The following DLGAP2 variants were observed in gnomAD, a reference collection of about 807,000 sequenced individuals.
The protein encoded by DLGAP2 is DLG associated protein 2, also known as disks large-associated protein 2.
DLGAP2 carries 26 observed loss-of-function variants against 100.3 expected under a neutral mutation model. That is an observed-to-expected ratio of 0.26 (90% confidence interval 0.19 to 0.36). The LOEUF is 0.36. Ranked by LOEUF, DLGAP2 falls within the 10% of genes least tolerant of loss-of-function variation. DLGAP2 has a pLI of 1.00. For missense variants in DLGAP2, 1,858 were observed against 1,453.2 expected (o/e 1.28, Z -4.53); for synonymous variants, 886 against 630.1 (o/e 1.41, Z -6.08).
At chr8:1,345,369 T>A (rs1801532086) in intron 3 of DLGAP2, among the ~76,000 whole-genome samples, 1 of 152,164 alleles carries the variant, frequency 6.6e-6, no homozygotes. Flanking sequence ...TCCTCTGCTG[T>A]TGAGAATAAG....
chr8:1,369,510 G>C (rs1802187365), intron 3 of DLGAP2: 1 of 152,200 alleles, frequency 6.6e-6, no homozygotes, highest in African/African-American at 2.4e-5. Flanking sequence ...AGTTGGTTTT[G>C]CACCAAGAAT....
intron 3 of DLGAP2, among the ~76,000 whole-genome samples, chr8:1,415,280 C>T (rs1349241366): frequency 6.6e-6 from 1 of 152,162 alleles, no homozygotes; most frequent in African/African-American, 2.4e-5. Flanking sequence ...ATGACTTTCT[C>T]TAGTGCGTCT....
intron 3 of DLGAP2, among the ~76,000 whole-genome samples, chr8:1,366,078 T>C (rs117458292): frequency 6.6e-6 from 1 of 152,362 alleles, no homozygotes; most frequent in Non-Finnish European, 1.5e-5. Flanking sequence ...GTGCCTTATG[T>C]CACTGTGCAC....
chr8:1,074,646 G>T (rs888105444), intron 2 of DLGAP2, among the ~76,000 whole-genome samples: 2 of 152,186 alleles, frequency 1.3e-5, no homozygotes, highest in South Asian at 2.1e-4. Flanking sequence ...CGTTTGATCC[G>T]CTTGTGAATT....
chr8:1,479,763 G>A (rs543916591), intron 3 of DLGAP2, among the ~76,000 whole-genome samples: 2 of 152,166 alleles, frequency 1.3e-5, no homozygotes, highest in Non-Finnish European at 2.9e-5. Flanking sequence ...AGCCCCCTGC[G>A]GTCCAAGCTG....
At chr8:1,207,020 G>C (rs1055903303) in intron 2 of DLGAP2, among the ~76,000 whole-genome samples, 8 of 152,210 alleles carry the variant, frequency 5.3e-5, no homozygotes, top group East Asian at 3.9e-4. Flanking sequence ...ACCACACACA[G>C]AGCTCACCCA....
rs141586304 is a variant in DLGAP2 at position 1,319,990 on chromosome 8, T to C, written c.106+61107T>C. ...GTGGAGTAACAGGGGTGGGGGAGAATAGGGCAGGAGACAAAGGTAAGCGCA... is the reference window on the plus strand; with the variant it reads ...GTGGAGTAACAGGGGTGGGGGAGAACAGGGCAGGAGACAAAGGTAAGCGCA... On this transcript the variant is annotated intron_variant, in intron 3 of 14. Coordinates refer to ENST00000637795, the MANE Select transcript of DLGAP2 (RefSeq NM_001346810.2). 2.5e-3 allele frequency among the ~76,000 whole-genome samples: 375 copies of C among 151,924 alleles called. 5 individuals carry two copies. The highest frequency in any genetic ancestry group is 0.014 in the South Asian group (69 of 4,780).
Position 1,668,696 on chromosome 8 carries a change from C to T in DLGAP2, c.2160+18C>T, listed in dbSNP as rs760984318. On this transcript the variant is annotated intron_variant, in intron 9 of 14. Transcript: ENST00000637795. ...GGATTCAGGTAGCTGCTCTTGGCCGCCCGTCAGGGCCTCGCTCCACTCAGT... is the reference window on the plus strand; with the variant it reads ...GGATTCAGGTAGCTGCTCTTGGCCGTCCGTCAGGGCCTCGCTCCACTCAGT... 32 of 1,503,362 alleles carry T rather than the reference C, an allele frequency of 2.1e-5. No homozygotes were observed. In the African/African-American group the frequency reaches 3.8e-4, roughly 18 times the overall value. 93.1% of individuals were successfully genotyped at this position (1,503,362 alleles called of 1,614,324 possible).
At chr8:1,537,544 G>A (rs1218581337) in intron 4 of DLGAP2, among the ~76,000 whole-genome samples, 1 of 152,096 alleles carries the variant, frequency 6.6e-6, no homozygotes, top group Non-Finnish European at 1.5e-5. Flanking sequence ...CCAAGGACTG[G>A]CTTACTCACC....
At chr8:1,607,022 C>T (rs778581355) in intron 6 of DLGAP2, among the ~76,000 whole-genome samples, 4 of 152,218 alleles carry the variant, frequency 2.6e-5, no homozygotes, top group Non-Finnish European at 5.9e-5. Flanking sequence ...ATTTTCATTT[C>T]TCCTGGGCAT....
intron 2 of DLGAP2, among the ~76,000 whole-genome samples, chr8:1,202,911 C>T (rs975596647): frequency 6.6e-5 from 10 of 152,220 alleles, no homozygotes; most frequent in Admixed American, 1.3e-4. Flanking sequence ...TCAAGGCGCA[C>T]GCATTTTTCA....
At chr8:1,516,071 AAGTACATGAATG>A (rs1800364138) in intron 4 of DLGAP2, among the ~76,000 whole-genome samples, 3 of 149,468 alleles carry the variant, frequency 2.0e-5, no homozygotes, top group Non-Finnish European at 4.5e-5. Flanking sequence ...GTGAGTAAAA[AAGTACATGAATG>A]AGTGCATGAA....
intron 2 of DLGAP2, among the ~76,000 whole-genome samples, chr8:1,101,951 A>G (rs1457235944): frequency 6.6e-6 from 1 of 152,206 alleles, no homozygotes; most frequent in Non-Finnish European, 1.5e-5. Flanking sequence ...AAGACAGTCA[A>G]GATGGTGGAT....
Position 1,689,498 on chromosome 8 carries a change from C to T in DLGAP2, c.2705-2037C>T, listed in dbSNP as rs1047761544. Among the ~76,000 whole-genome samples, 14 of 152,224 alleles carry T rather than the reference C, an allele frequency of 9.2e-5. 1 individual carries two copies. The highest frequency in any genetic ancestry group is 3.1e-4 in the African/African-American group (13 of 41,462). On this transcript the variant is annotated intron_variant, in intron 12 of 14. Transcript: ENST00000637795. ...CCCCTTTTCCTACACCATTTTCCAC[C>T]AGCCTTGGAGAGTCAGCTTCCCATG...
intron 13 of DLGAP2, among the ~76,000 whole-genome samples, chr8:1,694,241 G>A (rs968259791): frequency 1.3e-5 from 2 of 152,222 alleles, no homozygotes; most frequent in Admixed American, 6.5e-5. Flanking sequence ...GAGGGGTGGT[G>A]CCTGAGACAG....
chr8:1,100,681 G>A (rs1173543635), intron 2 of DLGAP2, among the ~76,000 whole-genome samples: 1 of 152,198 alleles, frequency 6.6e-6, no homozygotes, highest in Non-Finnish European at 1.5e-5. Flanking sequence ...ACTGATGAGT[G>A]TGTGAACTTG....
At chr8:767,083 C>G (rs1240672862) in intron 1 of DLGAP2, among the ~76,000 whole-genome samples, 1 of 152,162 alleles carries the variant, frequency 6.6e-6, no homozygotes, top group Non-Finnish European at 1.5e-5. Flanking sequence ...GAAGTTAGAT[C>G]CAGGGTGCCA....
chr8:1,137,162 C>G (rs1796432553), intron 2 of DLGAP2: 2 of 152,384 alleles, frequency 1.3e-5, no homozygotes, highest in Admixed American at 1.3e-4. Context: ...GTGGCCTCCT[C>G]CCTGTGTGCC....
At chr8:1,202,738 A>G (rs1797906380) in intron 2 of DLGAP2, among the ~76,000 whole-genome samples, 1 of 152,098 alleles carries the variant, frequency 6.6e-6, no homozygotes, top group African/African-American at 2.4e-5. Context: ...TCTCCTGTGC[A>G]CCTGTGTGAG....
Sources: allele counts gnomAD v4.1 joint callset (sites outside exome capture counted in the v4.1 genomes callset), GRCh38; gene constraint gnomAD v4.1.1; transcripts MANE v1.5; gene names NCBI Gene and HGNC (gene_info 2026-07-23, HGNC 2026-07-21).